Variants in CPNE4 observed in about 807,000 individuals in gnomAD.
CPNE4 encodes the protein copine 4, also known as copine-4.
Under a neutral mutation model 67.9 loss-of-function variants are expected in CPNE4, and 25 were observed. The observed-to-expected ratio is 0.37, with a 90% CI of 0.27 to 0.51. The LOEUF (loss-of-function observed/expected upper bound fraction) is 0.51. CPNE4 is among the 20% of genes least tolerant of loss of function. CPNE4 has a pLI of 0.93. For missense variants in CPNE4, 464 were observed against 690.8 expected, an observed-to-expected ratio of 0.67 and a Z score of 3.68; for synonymous variants, 242 against 244.9, an observed-to-expected ratio of 0.99 and a Z score of 0.11.
rs532223503 is a variant in CPNE4, at chr3:131,939,492, C to T, written c.-1-34048G>A. Among the ~76,000 whole-genome samples the T allele has an allele frequency of 2.5e-4, 38 of 151,344 alleles. 1 individual carries two copies. Among genetic ancestry groups the T allele is most frequent in the African/African-American group, 4.9e-4 (20 of 41,168 alleles). On this transcript the variant is annotated intron_variant, in intron 1 of 15. Transcript: ENST00000429747. ...AAGAAACTATTAACAGTGTATATTC[C>T]GGGAAGTTGGAAGAGCTGGGTGGAT...
At chr3:131,984,854 G>C (rs974912762) in intron 1 of CPNE4, among the ~76,000 whole-genome samples, 4 of 152,308 alleles carry the variant, frequency 2.6e-5, no homozygotes, top group African/African-American at 9.6e-5. Context: ...TCCCCAGTAA[G>C]ATTAAGCTCC....
At chr3:131,627,129 G>A (rs2079093548) in intron 7 of CPNE4, among the ~76,000 whole-genome samples, 1 of 147,232 alleles carries the variant, frequency 6.8e-6, no homozygotes, top group Non-Finnish European at 1.5e-5. Context: ...GGAGGCAGAG[G>A]TTGCAGTGAG....
intron 2 of CPNE4, among the ~76,000 whole-genome samples, chr3:131,743,908 A>AGCCGAGATC (rs2082414166): frequency 7.6e-6 from 1 of 131,278 alleles, no homozygotes; most frequent in African/African-American, 2.8e-5. Flanking sequence ...GCTTGCAGTG[A>AGCCGAGATC]GCCGAGATCG....
At chr3:131,555,385 C>T (rs1230777453) in intron 12 of CPNE4, 112 bp downstream of exon 12, 3 of 846,512 alleles carry the variant, frequency 3.5e-6, no homozygotes, top group Non-Finnish European at 5.8e-6. Context: ...ACTCTGTAGG[C>T]CCTACTGACA....
At chr3:131,618,356 C>T (rs1940277637) in intron 7 of CPNE4, among the ~76,000 whole-genome samples, 1 of 152,172 alleles carries the variant, frequency 6.6e-6, no homozygotes, top group South Asian at 2.1e-4. Flanking sequence ...TCAAGCTAAG[C>T]AACATATTCA....
At chr3:131,908,853 T>C (rs2088866066) in intron 1 of CPNE4, among the ~76,000 whole-genome samples, 2 of 152,098 alleles carry the variant, frequency 1.3e-5, no homozygotes, top group South Asian at 4.1e-4. Context: ...ACGTCTCAGA[T>C]GGTAATATCT....
intron 1 of CPNE4, among the ~76,000 whole-genome samples, chr3:131,929,319 T>C (rs1379454663): frequency 1.3e-5 from 2 of 152,048 alleles, no homozygotes; most frequent in Non-Finnish European, 2.9e-5. Context: ...TACCACCTTA[T>C]TACAAACACT....
At chr3:131,722,984 C>G (rs2081925199) in intron 3 of CPNE4, among the ~76,000 whole-genome samples, 1 of 152,162 alleles carries the variant, frequency 6.6e-6, no homozygotes, top group Non-Finnish European at 1.5e-5. Context: ...TTTATTCATT[C>G]ACTGAGTATC....
At chr3:131,607,681 C>G (rs553010909) in intron 7 of CPNE4, among the ~76,000 whole-genome samples, 26 of 152,090 alleles carry the variant, frequency 1.7e-4, no homozygotes, top group Non-Finnish European at 3.1e-4. Context: ...TTTAAAAGTT[C>G]ATTTCAAAGA....
intron 1 of CPNE4, among the ~76,000 whole-genome samples, chr3:132,028,865 T>A (rs2107699940): frequency 6.6e-6 from 1 of 151,868 alleles, no homozygotes; most frequent in East Asian, 1.9e-4. Context: ...CAATAATCTC[T>A]ATATCGATTA....
chr3:131,671,850 A>G (rs2080426418), intron 6 of CPNE4, among the ~76,000 whole-genome samples: 1 of 152,132 alleles, frequency 6.6e-6, no homozygotes, highest in Non-Finnish European at 1.5e-5. Flanking sequence ...TTATTATAAA[A>G]TATGTAATAA....
intron 2 of CPNE4, among the ~76,000 whole-genome samples, chr3:131,874,363 C>T (rs1317384567): frequency 1.3e-5 from 2 of 152,186 alleles, no homozygotes; most frequent in Admixed American, 6.5e-5. Flanking sequence ...GCTGGGATTA[C>T]AGGCGTGAGC....
intron 11 of CPNE4, among the ~76,000 whole-genome samples, chr3:131,559,975 C>A (rs1470156750): frequency 1.3e-5 from 2 of 151,988 alleles, no homozygotes; most frequent in African/African-American, 4.8e-5. Flanking sequence ...AAAAATGTGA[C>A]AGCTATACAT....
At chr3:131,660,794 C>G (rs2080104140) in intron 7 of CPNE4, among the ~76,000 whole-genome samples, 1 of 152,158 alleles carries the variant, frequency 6.6e-6, no homozygotes, top group Admixed American at 6.5e-5. Context: ...CCTTCTATTT[C>G]TAGGCATCCT....
At chr3:131,798,504 T>C (rs1373352079) in intron 2 of CPNE4, among the ~76,000 whole-genome samples, 1 of 152,076 alleles carries the variant, frequency 6.6e-6, no homozygotes, top group Non-Finnish European at 1.5e-5. Context: ...CAAAAAATGG[T>C]CTAAGTCTGA....
At chr3:131,652,949 C>T (rs1411627310) in intron 7 of CPNE4, among the ~76,000 whole-genome samples, 1 of 152,176 alleles carries the variant, frequency 6.6e-6, no homozygotes, top group African/African-American at 2.4e-5. Flanking sequence ...CTGAATTCAT[C>T]TTTCTCATCC....
At chr3:131,613,669 C>T (rs1939973989) in intron 7 of CPNE4, among the ~76,000 whole-genome samples, 1 of 152,144 alleles carries the variant, frequency 6.6e-6, no homozygotes, top group South Asian at 2.1e-4. Flanking sequence ...TTGTAAGCAA[C>T]CTTTAGGCAG....
chr3:131,707,541 C>G (rs77637434), intron 3 of CPNE4, among the ~76,000 whole-genome samples: 185 of 152,320 alleles, frequency 1.2e-3, no homozygotes, highest in Middle Eastern at 3.4e-3. Flanking sequence ...TAGCCCACTA[C>G]AGAGAGCTGA....
At position 131,535,850 on chromosome 3, in the gene CPNE4, A is replaced by G. The variant is rs1935113094; in HGVS notation, c.1540-521T>C. ...GCTACTGAATCACAATCTGCCTTTT[A>G]ACTTGACGCTCTAGTGATTCATATG... is the stretch of plus-strand genomic sequence containing the variant. On this transcript the variant is annotated intron_variant, in intron 15 of 15. Transcript: ENST00000429747. Among the ~76,000 whole-genome samples the G allele has an allele frequency of 4.6e-5, 7 of 152,216 alleles. No individual in the cohort carries two copies. In the South Asian group the frequency reaches 1.0e-3, roughly 23 times the overall value.
Sources: gnomAD v4.1 joint callset for allele counts (sites outside exome capture counted in the v4.1 genomes callset) on GRCh38, gnomAD v4.1.1 for gene constraint, MANE v1.5 for transcripts, NCBI Gene and HGNC (gene_info 2026-07-23, HGNC 2026-07-21) for gene names.